Variants in NUP214 observed in about 807,000 individuals in gnomAD.
NUP214 encodes nucleoporin 214.
A neutral mutation model predicts 196.2 loss-of-function variants in NUP214; 79 were observed. The observed-to-expected ratio is 0.40, with a 90% CI of 0.34 to 0.49. NUP214 has a LOEUF of 0.49. Ranked by LOEUF, NUP214 falls within the 20% of genes least tolerant of loss-of-function variation. The pLI is 0.58. For missense variants in NUP214, 2,468 were observed against 2,539.0 expected (o/e 0.97, Z 0.60); for synonymous variants, 1,020 against 990.5 (o/e 1.03, Z -0.56).
At chr9:131,126,193 AGG>A (rs1831343663) in intron 1 of NUP214, 1 of 185,132 alleles carries the variant, frequency 5.4e-6, no homozygotes, top group Non-Finnish European at 1.1e-5. Flanking sequence ...TACTTCTGTA[AGG>A]TGATACGGGC....
chr9:131,177,820 T>C (rs1323148683), intron 23 of NUP214, among the ~76,000 whole-genome samples: 3 of 152,222 alleles, frequency 2.0e-5, no homozygotes, highest in Admixed American at 6.5e-5. Flanking sequence ...TTATTCATTA[T>C]GCCTTTCTGT....
chr9:131,144,870 A>G lies in NUP214; in HGVS notation c.1769+116A>G. 1.2e-6 allele frequency: 1 copy of G among 809,292 alleles called. No individual in the cohort carries two copies. The highest frequency in any genetic ancestry group is 1.9e-6 in the Non-Finnish European group (1 of 524,422). 50.1% of individuals were successfully genotyped at this position (809,292 alleles called of 1,614,324 possible). A position where few individuals can be genotyped will look rare whatever the true frequency, so the allele number is the denominator to read the frequency against. On this transcript the variant is annotated intron_variant, in intron 12 of 35. Transcript: ENST00000359428. ...AACTGAGTAGAATTTTTTTACCCAG[A>G]GTGATACTTGCAAATGGCAAAAATT...
At position 131,146,015 on chromosome 9, in the gene NUP214, T is replaced by C. The variant is rs1324747431; in HGVS notation, c.1770-114T>C. 11 of 1,013,116 alleles carry C rather than the reference T, an allele frequency of 1.1e-5. No homozygotes were observed. Among genetic ancestry groups the C allele is most frequent in the Non-Finnish European group, 1.6e-5 (11 of 692,010 alleles). The allele number at this position is 1,013,116 out of a possible 1,614,324, so 62.8% of individuals were successfully genotyped here. Reference sequence around the variant, plus strand: ...TTTCCTGAAGGCAAAAAGTATGTTATCTTTGTAAGTTAACATAAAAGATAA... The same window carrying C: ...TTTCCTGAAGGCAAAAAGTATGTTACCTTTGTAAGTTAACATAAAAGATAA... On this transcript the variant is annotated intron_variant, in intron 12 of 35. Coordinates refer to ENST00000359428, the MANE Select transcript of NUP214 (RefSeq NM_005085.4). This position sits in a 1 kb window ranked among gnomAD's most constrained non-coding sequence, Gnocchi z 4.6.
At position 131,199,033 on chromosome 9, in the gene NUP214, C is replaced by T. The variant is rs1202058504; in HGVS notation, c.5521+18C>T. On this transcript the variant is annotated intron_variant, in intron 29 of 35. Transcript: ENST00000359428. ...AGCTTCAGGTAAGAATTTGTGGAAG[C>T]TTTTTACTTGTTTCCCTCTCTGCTA... 2 of 1,561,570 alleles carry T rather than the reference C, an allele frequency of 1.3e-6. No individual in the cohort carries two copies. The highest frequency in any genetic ancestry group is 1.4e-5 in the African/African-American group (1 of 72,676).
intron 26 of NUP214, chr9:131,191,818 T>C (rs1013372828): frequency 1.3e-5 from 2 of 154,752 alleles, no homozygotes; most frequent in Non-Finnish European, 2.9e-5. Flanking sequence ...AGCTACATTA[T>C]ATATAGTTTT....
intron 30 of NUP214, among the ~76,000 whole-genome samples, chr9:131,206,007 G>A (rs893056980): frequency 1.3e-5 from 2 of 152,046 alleles, no homozygotes; most frequent in South Asian, 2.1e-4. Context: ...AAAGAAATTC[G>A]TGCACGTATG....
At chr9:131,184,825 T>C (rs536240419) in intron 24 of NUP214, among the ~76,000 whole-genome samples, 1 of 152,348 alleles carries the variant, frequency 6.6e-6, no homozygotes, top group East Asian at 1.9e-4. Context: ...TTGGCAGTTA[T>C]ATTTCCATCG....
At chr9:131,154,377 C>T (rs1395554430) in intron 17 of NUP214, among the ~76,000 whole-genome samples, 1 of 152,114 alleles carries the variant, frequency 6.6e-6, no homozygotes, top group Non-Finnish European at 1.5e-5. Flanking sequence ...CCTTACCGCC[C>T]TCTCTCCTTT....
At chr9:131,162,924 T>C (rs1832682913) in intron 18 of NUP214, 67 bp from the exon 19 acceptor site, 1 of 1,517,506 alleles carries the variant, frequency 6.6e-7, no homozygotes, top group East Asian at 2.3e-5. Context: ...TCTTGTTTGT[T>C]TTTTTACTGG....
chr9:131,138,675 G>T (rs568010564), intron 9 of NUP214, among the ~76,000 whole-genome samples: 4 of 152,332 alleles, frequency 2.6e-5, no homozygotes, highest in African/African-American at 9.6e-5. Context: ...AGCAAAAAGG[G>T]AGTTTACTAG....
intron 24 of NUP214, among the ~76,000 whole-genome samples, chr9:131,180,710 C>T (rs1205982459): frequency 6.6e-6 from 1 of 152,140 alleles, no homozygotes; most frequent in Non-Finnish European, 1.5e-5. Context: ...TCTTACACAG[C>T]GTCTGCTGTG....
chr9:131,126,398 A>G (rs116987572), intron 1 of NUP214: 2,313 of 152,438 alleles, frequency 0.015, 24 homozygotes, highest in Middle Eastern at 0.034. Context: ...TAGTTCTTAT[A>G]TGGGTTCTGA....
chr9:131,195,309 T>TAC lies in NUP214; in HGVS notation c.3721+15_3721+16insAC. On this transcript the variant is annotated intron_variant, in intron 28 of 35. Coordinates refer to ENST00000359428, the MANE Select transcript of NUP214 (RefSeq NM_005085.4). ...TGCTGCACAAGGTACAGACTCTGTGTTGAGTAGCATTACTCATGTGTTTTC... is the reference window on the plus strand; with the variant it reads ...TGCTGCACAAGGTACAGACTCTGTGTACTGAGTAGCATTACTCATGTGTTTTC... 6.2e-7 allele frequency: 1 copy of TAC among 1,600,212 alleles called. No individual in the cohort carries two copies. Among genetic ancestry groups the TAC allele is most frequent in the Non-Finnish European group, 8.6e-7 (1 of 1,167,358 alleles).
chr9:131,182,175 T>C (rs1255847698), intron 24 of NUP214, among the ~76,000 whole-genome samples: 1 of 152,226 alleles, frequency 6.6e-6, no homozygotes, highest in Non-Finnish European at 1.5e-5. Flanking sequence ...TTAAAAATGG[T>C]TACTTTTAAG....
intron 24 of NUP214, among the ~76,000 whole-genome samples, chr9:131,179,553 T>G (rs1302450373): frequency 2.0e-5 from 3 of 152,126 alleles, no homozygotes; most frequent in Non-Finnish European, 4.4e-5. Context: ...GTACCCATGA[T>G]TAGTCTAGCA....
At chr9:131,175,360 G>T in intron 22 of NUP214, 100 bp from the exon 23 acceptor site, 7 of 1,345,694 alleles carry the variant, frequency 5.2e-6, no homozygotes, top group East Asian at 2.3e-5. Flanking sequence ...GCTAATTTTA[G>T]CATTTTCCCT....
chr9:131,183,230 G>A (rs1417232684), intron 24 of NUP214, among the ~76,000 whole-genome samples: 1 of 152,078 alleles, frequency 6.6e-6, no homozygotes, highest in Non-Finnish European at 1.5e-5. Flanking sequence ...GATTACAGGT[G>A]CCCACCATCA....
intron 24 of NUP214, among the ~76,000 whole-genome samples, chr9:131,181,329 G>A (rs1381510834): frequency 6.6e-6 from 1 of 152,198 alleles, no homozygotes; most frequent in African/African-American, 2.4e-5. Flanking sequence ...TTGGTGGACA[G>A]TGTCTGTTTG....
In NUP214 at chr9:131,192,302, GAA is replaced by G; in HGVS notation, c.3659+11_3659+12del. 6.7e-7 allele frequency: 1 copy of G among 1,493,018 alleles called. No individual in the cohort carries two copies. Among genetic ancestry groups the G allele is most frequent in the South Asian group, 1.2e-5 (1 of 83,564 alleles). 92.5% of individuals were successfully genotyped at this position (1,493,018 alleles called of 1,614,324 possible). A position where few individuals can be genotyped will look rare whatever the true frequency, so the allele number is the denominator to read the frequency against. The stretch of plus-strand genomic sequence containing the variant: ...CATTTTCTCCATCAGGGTCAGTAAT[GAA>G]CTTAAGTTTTATGGCAAATTACTAG... On this transcript the variant is annotated intron_variant, in intron 27 of 35. Transcript: ENST00000359428.
Sources: allele counts gnomAD v4.1 joint callset (sites outside exome capture counted in the v4.1 genomes callset), GRCh38; gene constraint gnomAD v4.1.1; non-coding constraint Gnocchi (gnomAD v3.1); transcripts MANE v1.5; gene names NCBI Gene and HGNC (gene_info 2026-07-23, HGNC 2026-07-21).